CAB39: variants seen among roughly 807,000 people sequenced by gnomAD.
CAB39 encodes calcium binding protein 39, also known as calcium-binding protein 39.
Under a neutral mutation model 40.0 loss-of-function variants are expected in CAB39, and 8 were observed. The observed-to-expected ratio is 0.20, with a 90% CI of 0.12 to 0.36. The LOEUF (loss-of-function observed/expected upper bound fraction) is 0.36. Among genes scored for constraint, CAB39 ranks in the 10% least tolerant of loss-of-function variants. The pLI, the probability that CAB39 is intolerant of heterozygous loss-of-function variation, is 1.00. For missense variants in CAB39, 270 were observed against 401.1 expected (o/e 0.67, Z 2.79); for synonymous variants, 156 against 141.6 (o/e 1.10, Z -0.72).
At chr2:230,807,613 A>G (rs1297155312) in intron 5 of CAB39, among the ~76,000 whole-genome samples, 5 of 152,040 alleles carry the variant, frequency 3.3e-5, no homozygotes, top group Non-Finnish European at 5.9e-5. Flanking sequence ...TCTCCCCTAC[A>G]TGGGAAGATG....
chr2:230,758,021 G>A (rs988543932), intron 1 of CAB39, among the ~76,000 whole-genome samples: 5 of 152,110 alleles, frequency 3.3e-5, no homozygotes, highest in African/African-American at 1.2e-4. Context: ...TTTTATGGCT[G>A]GGCATGATGG....
chr2:230,726,872 C>T (rs1294680678), intron 1 of CAB39, among the ~76,000 whole-genome samples: 1 of 146,572 alleles, frequency 6.8e-6, no homozygotes, highest in African/African-American at 2.5e-5. Flanking sequence ...TGGAAGCTCC[C>T]GGACTTTTTA....
At chr2:230,749,580 A>G (rs1341585498) in intron 1 of CAB39, among the ~76,000 whole-genome samples, 3 of 152,232 alleles carry the variant, frequency 2.0e-5, no homozygotes, top group Admixed American at 1.3e-4. Context: ...AGATGGGATT[A>G]TATGTATGCA....
At chr2:230,817,948 C>A in intron 8 of CAB39, 51 bp downstream of exon 8, 1 of 1,505,608 alleles carries the variant, frequency 6.6e-7, no homozygotes, top group Non-Finnish European at 9.0e-7. Context: ...TGTTCGTCGT[C>A]TTTCATTCGC....
chr2:230,783,223 A>G (rs1414007252), intron 2 of CAB39, among the ~76,000 whole-genome samples: 3 of 152,182 alleles, frequency 2.0e-5, no homozygotes, highest in Non-Finnish European at 4.4e-5. Context: ...GTGTGTGCAC[A>G]CTGAGACCCA....
Position 230,818,746 on chromosome 2 carries a change from C to G in CAB39, c.*42C>G, listed in dbSNP as rs772223411. ...ATGTTAAATCCAAATTCAGCATTTGCTGTTAGCTATTCAGCATCAGGCACT... is the reference window on the plus strand; with the variant it reads ...ATGTTAAATCCAAATTCAGCATTTGGTGTTAGCTATTCAGCATCAGGCACT... On this transcript the variant is annotated 3_prime_UTR_variant, in exon 9 of 9. Transcript: ENST00000258418. The G allele has an allele frequency of 2.0e-6, 3 of 1,505,700 alleles. No individual in the cohort carries two copies. The highest frequency in any genetic ancestry group is 2.8e-6 in the Non-Finnish European group (3 of 1,087,822). 93.3% of individuals were successfully genotyped at this position (1,505,700 alleles called of 1,614,324 possible).
At chr2:230,776,289 C>G (rs1467059972) in intron 2 of CAB39, among the ~76,000 whole-genome samples, 1 of 152,162 alleles carries the variant, frequency 6.6e-6, no homozygotes. Context: ...AATTAATTCA[C>G]AGGAAGTTGC....
At chr2:230,774,359 A>G (rs765303647) in intron 2 of CAB39, among the ~76,000 whole-genome samples, 1 of 152,218 alleles carries the variant, frequency 6.6e-6, no homozygotes, top group Non-Finnish European at 1.5e-5. Flanking sequence ...TATGATACAA[A>G]TAGATTAGTC....
intron 1 of CAB39, among the ~76,000 whole-genome samples, chr2:230,741,464 G>A (rs988401829): frequency 6.6e-6 from 1 of 152,118 alleles, no homozygotes; most frequent in African/African-American, 2.4e-5. Flanking sequence ...ATTTGCCCCT[G>A]GCTTGGCTTG....
At chr2:230,788,760 C>T (rs929607056) in intron 2 of CAB39, among the ~76,000 whole-genome samples, 1 of 152,196 alleles carries the variant, frequency 6.6e-6, no homozygotes, top group African/African-American at 2.4e-5. Flanking sequence ...TCATTCCTGT[C>T]AAGAAGTCTG....
intron 1 of CAB39, among the ~76,000 whole-genome samples, chr2:230,758,705 G>A (rs535858375): frequency 5.3e-5 from 8 of 152,258 alleles, no homozygotes; most frequent in Admixed American, 1.3e-4. Flanking sequence ...GTGGGGTTGG[G>A]GTGTCTGAGA....
intron 1 of CAB39, among the ~76,000 whole-genome samples, chr2:230,721,898 G>C (rs1472751516): frequency 1.3e-5 from 2 of 152,116 alleles, no homozygotes. Flanking sequence ...CAAACATCTT[G>C]AAGAAAGGTT....
chr2:230,787,336 T>C (rs1467809819), intron 2 of CAB39, among the ~76,000 whole-genome samples: 1 of 152,210 alleles, frequency 6.6e-6, no homozygotes, highest in Non-Finnish European at 1.5e-5. Flanking sequence ...TCCAGCATTT[T>C]AGTCAATGAT....
chr2:230,754,507 A>G (rs1575922896), intron 1 of CAB39, among the ~76,000 whole-genome samples: 1 of 125,210 alleles, frequency 8.0e-6, no homozygotes, highest in Non-Finnish European at 1.7e-5. Flanking sequence ...CCTCCTCCTC[A>G]TCCCTCCTTC....
chr2:230,725,475 A>G, intron 1 of CAB39: 1 of 1,280,586 alleles, frequency 7.8e-7, no homozygotes. Flanking sequence ...TCCTGCGGAT[A>G]CCTCCCGTTT....
chr2:230,802,768 A>T (rs1696114192), intron 5 of CAB39, among the ~76,000 whole-genome samples: 1 of 152,224 alleles, frequency 6.6e-6, no homozygotes, highest in Non-Finnish European at 1.5e-5. Context: ...AATCATTAAA[A>T]GACTGTCAAC....
intron 2 of CAB39, among the ~76,000 whole-genome samples, chr2:230,786,449 TTTAA>T (rs1695796299): frequency 6.6e-6 from 1 of 152,202 alleles, no homozygotes; most frequent in African/African-American, 2.4e-5. Context: ...TTCAGTGGTT[TTTAA>T]TTTATTCACA....
intron 6 of CAB39, among the ~76,000 whole-genome samples, chr2:230,813,672 A>G (rs1696343776): frequency 6.6e-6 from 1 of 152,124 alleles, no homozygotes; most frequent in African/African-American, 2.4e-5. Context: ...TCTAACATCA[A>G]GATATGAGAG....
chr2:230,793,432 G>A, intron 4 of CAB39, 101 bp downstream of exon 4: 1 of 511,618 alleles, frequency 2.0e-6, no homozygotes, highest in Non-Finnish European at 3.5e-6. Flanking sequence ...CATTTTCTCT[G>A]TAGTTAGATA....
Sources: gnomAD v4.1 joint callset for allele counts (sites outside exome capture counted in the v4.1 genomes callset) on GRCh38, gnomAD v4.1.1 for gene constraint, MANE v1.5 for transcripts, NCBI Gene and HGNC (gene_info 2026-07-23, HGNC 2026-07-21) for gene names.